Variants in OCA2 observed in about 807,000 individuals in gnomAD.
The protein encoded by OCA2 is P protein.
In OCA2, 77 loss-of-function variants were observed where a neutral mutation model predicts 100.2. The observed-to-expected ratio is 0.77, with a 90% confidence interval of 0.64 to 0.93. OCA2 has a LOEUF of 0.93. Ranked by LOEUF, OCA2 falls within the 40% of genes least tolerant of loss-of-function variation. The probability of loss-of-function intolerance (pLI) is 0.00; values close to 1 mark genes in which losing one functional copy is unlikely to be tolerated. For synonymous variants in OCA2, 432 were observed against 439.2 expected (o/e 0.98, Z 0.21); for missense variants, 1,062 against 1,089.1 (o/e 0.98, Z 0.35).
chr15:28,042,944 C>T (rs2043248162), intron 2 of OCA2, among the ~76,000 whole-genome samples: 1 of 152,072 alleles, frequency 6.6e-6, no homozygotes, highest in African/African-American at 2.4e-5. Context: ...TTGATGGTAA[C>T]CTTTGTTCGA....
rs541311019 is a variant in OCA2 at position 27,796,437 on chromosome 15, G to A, written c.2433-40965C>T. Among the ~76,000 whole-genome samples, 10 of 152,376 alleles carry A rather than the reference G, an allele frequency of 6.6e-5. No individual in the cohort carries two copies. In the South Asian group the frequency reaches 1.7e-3, roughly 25 times the overall value. On this transcript the variant is annotated intron_variant, in intron 23 of 23. Coordinates refer to ENST00000354638, the MANE Select transcript of OCA2 (RefSeq NM_000275.3). Reference sequence around the variant, plus strand: ...CCAGGAGACCTGCAGGAAACAGCACGTGCTGGGCACTCAGCATCATGCCAG... The same window carrying A: ...CCAGGAGACCTGCAGGAAACAGCACATGCTGGGCACTCAGCATCATGCCAG...
At chr15:27,760,492 G>A (rs1362207937) in intron 23 of OCA2, among the ~76,000 whole-genome samples, 1 of 151,400 alleles carries the variant, frequency 6.6e-6, no homozygotes, top group Non-Finnish European at 1.5e-5. Context: ...TTTAAAAATA[G>A]GAAAACAGTG....
intron 19 of OCA2, among the ~76,000 whole-genome samples, chr15:27,909,469 T>C (rs2038302789): frequency 6.6e-6 from 1 of 151,942 alleles, no homozygotes; most frequent in Non-Finnish European, 1.5e-5. Context: ...AAAGAAAAAC[T>C]AAAAAGGGGA....
chr15:27,729,015 G>T, the OCA2 span, among the ~76,000 whole-genome samples: 1 of 152,130 alleles, frequency 6.6e-6, no homozygotes, highest in African/African-American at 2.4e-5. Flanking sequence ...AAGCCAGACT[G>T]CACTTTCAAC....
chr15:27,743,836 G>A, the OCA2 span, among the ~76,000 whole-genome samples: 11 of 152,172 alleles, frequency 7.2e-5, no homozygotes, highest in South Asian at 2.1e-3. Flanking sequence ...CAGCACCCCT[G>A]CCCCGAGGCC....
At chr15:27,758,996 C>T (rs1032326949) in intron 23 of OCA2, among the ~76,000 whole-genome samples, 1 of 152,114 alleles carries the variant, frequency 6.6e-6, no homozygotes, top group African/African-American at 2.4e-5. Context: ...CCCCCAAAAT[C>T]TATGCCAAGA....
intron 23 of OCA2, among the ~76,000 whole-genome samples, chr15:27,786,765 T>G (rs2032836080): frequency 6.6e-6 from 1 of 152,170 alleles, no homozygotes; most frequent in Non-Finnish European, 1.5e-5. Flanking sequence ...TACTTCTTCC[T>G]TTCCATAACT....
At chr15:27,959,642 C>A (rs1259858600) in intron 15 of OCA2, among the ~76,000 whole-genome samples, 6 of 152,270 alleles carry the variant, frequency 3.9e-5, no homozygotes, top group African/African-American at 1.4e-4. Flanking sequence ...CCCCTGGGTG[C>A]GGGCTGGAAG....
At chr15:27,918,750 G>C (rs1341613602) in intron 19 of OCA2, among the ~76,000 whole-genome samples, 1 of 152,030 alleles carries the variant, frequency 6.6e-6, no homozygotes, top group African/African-American at 2.4e-5. Context: ...CTGCACTATT[G>C]GATACAGGTC....
At chr15:27,856,554 G>A (rs1000162304) in intron 21 of OCA2, among the ~76,000 whole-genome samples, 2 of 152,140 alleles carry the variant, frequency 1.3e-5, no homozygotes, top group Admixed American at 6.5e-5. Flanking sequence ...CTGAGGTTAT[G>A]TATGTTGATT....
chr15:27,993,691 C>T (rs924243817), intron 9 of OCA2, among the ~76,000 whole-genome samples: 2 of 152,026 alleles, frequency 1.3e-5, no homozygotes, highest in African/African-American at 2.4e-5. Flanking sequence ...CCTCGTCACA[C>T]ACACCGGCTT....
At chr15:27,915,113 G>A (rs2038614716) in intron 19 of OCA2, among the ~76,000 whole-genome samples, 2 of 152,086 alleles carry the variant, frequency 1.3e-5, no homozygotes, top group African/African-American at 2.4e-5. Flanking sequence ...ATGGGGAAAG[G>A]ACTCCCCGTT....
chr15:27,938,124 T>C (rs1327187514), intron 18 of OCA2, among the ~76,000 whole-genome samples: 3 of 152,164 alleles, frequency 2.0e-5, no homozygotes, highest in Non-Finnish European at 4.4e-5. Flanking sequence ...CATGGAGATG[T>C]TTGATGACAT....
At chr15:27,724,826 T>TA in the OCA2 span, among the ~76,000 whole-genome samples, 4 of 151,648 alleles carry the variant, frequency 2.6e-5, no homozygotes, top group Admixed American at 1.3e-4. Flanking sequence ...TTTTTTTTTT[T>TA]ACCCCAATTT....
chr15:27,862,894 A>G (rs952052233), intron 21 of OCA2, among the ~76,000 whole-genome samples: 1 of 152,258 alleles, frequency 6.6e-6, no homozygotes, highest in Admixed American at 6.5e-5. Flanking sequence ...TTAAATGTAT[A>G]CTTTCAAATT....
At chr15:27,743,149 C>T in the OCA2 span, among the ~76,000 whole-genome samples, 1 of 152,184 alleles carries the variant, frequency 6.6e-6, no homozygotes, top group South Asian at 2.1e-4. Context: ...CCCTGGCTCA[C>T]AGTGGCACTT....
chr15:27,845,806 T>C (rs1312059535), intron 22 of OCA2, among the ~76,000 whole-genome samples: 1 of 151,782 alleles, frequency 6.6e-6, no homozygotes, highest in African/African-American at 2.4e-5. Context: ...TGAGGAAGAG[T>C]CGCCTTCCAT....
At chr15:27,985,236 G>A (rs749126588) in intron 12 of OCA2, 48 bp from the exon 13 acceptor site, 119 of 1,608,876 alleles carry the variant, frequency 7.4e-5, no homozygotes, top group African/African-American at 3.7e-4. Context: ...GAGCAGGCTC[G>A]TAGAACAGAG....
chr15:27,852,381 G>A (rs1006789434), intron 21 of OCA2, among the ~76,000 whole-genome samples: 17 of 152,046 alleles, frequency 1.1e-4, no homozygotes, highest in Non-Finnish European at 1.8e-4. Context: ...GATATGCAGC[G>A]TTATTTCTGA....
Sources: allele counts gnomAD v4.1 joint callset (sites outside exome capture counted in the v4.1 genomes callset), GRCh38; gene constraint gnomAD v4.1.1; transcripts MANE v1.5; gene names NCBI Gene and HGNC (gene_info 2026-07-23, HGNC 2026-07-21).